Variants in VMAC observed in about 807,000 individuals in gnomAD.
VMAC encodes vimentin type intermediate filament associated coiled-coil protein.
In VMAC, 8 loss-of-function variants were observed where a neutral mutation model predicts 4.8. That is an observed-to-expected ratio of 1.68 (90% CI 0.99 to 3.03). The LOEUF (loss-of-function observed/expected upper bound fraction) is 3.03. Among genes scored for constraint, VMAC ranks in the 30% most tolerant of loss-of-function variants. The pLI is 0.00. For missense variants in VMAC, 248 were observed against 245.1 expected (o/e 1.01, Z -0.08); for synonymous variants, 96 against 113.7 (o/e 0.84, Z 0.99).
At position 5,909,314 on chromosome 19, in the gene VMAC, C is replaced by T. The variant is rs928837163; in HGVS notation, c.*172C>T. 11 of 629,348 alleles carry T rather than the reference C, an allele frequency of 1.7e-5. No homozygotes were observed. The highest frequency in any genetic ancestry group is 1.2e-4 in the South Asian group (5 of 42,612). The allele number at this position is 629,348 out of a possible 1,614,324, so 39.0% of individuals were successfully genotyped here. A position where few individuals can be genotyped will look rare whatever the true frequency, so the allele number is the denominator to read the frequency against. On this transcript the variant is annotated 3_prime_UTR_variant, in exon 2 of 2. Transcript: ENST00000339485. ...AATAGGCCCACAGGCCAGGTGCAGA[C>T]GTTTAACCCAGACAGAAGTGTTCTT...
Position 5,909,463 on chromosome 19 carries a change from G to T in VMAC, c.*321G>T. ...GAGTTCAGGGCACCCTCTTTAGCCA[G>T]GGTGTGAGTTTCTGTTTTTTGTTTT... is the stretch of plus-strand genomic sequence containing the variant. On this transcript the variant is annotated 3_prime_UTR_variant, in exon 2 of 2. Coordinates refer to ENST00000339485, the MANE Select transcript of VMAC (RefSeq NM_001017921.4). 6.8e-6 allele frequency: 2 copies of T among 294,912 alleles called. No individual in the cohort carries two copies. Among genetic ancestry groups the T allele is most frequent in the South Asian group, 6.4e-5 (1 of 15,506 alleles). The allele number at this position is 294,912 out of a possible 1,614,324, so 18.3% of individuals were successfully genotyped here.
Position 5,908,964 on chromosome 19 carries a change from G to A in VMAC, c.332G>A (p.Arg111Gln), listed in dbSNP as rs757845287. Residue 111 changes from arginine (R) to glutamine (Q), a missense_variant, in exon 2 of 2, where the codon CGG becomes CAG. Coordinates refer to ENST00000339485, the MANE Select transcript of VMAC (RefSeq NM_001017921.4). The surrounding 1 kb of genome is among the most constrained non-coding windows in gnomAD (Gnocchi z 4.5). Reference protein sequence around the residue: ...AELLQDICRRRPPLAGLLDAL... With the variant: ...AELLQDICRRQPPLAGLLDAL... ...CTGCTGCAGGACATCTGCCGCCGCC[G>A]GCCACCCCTGGCTGGGCTGCTGGAT... The A allele has an allele frequency of 9.9e-6, 16 of 1,612,416 alleles. No homozygotes were observed. The highest frequency in any genetic ancestry group is 2.2e-5 in the East Asian group (1 of 44,834).
In VMAC at chr19:5,910,321, T is replaced by C. The variant is rs1028278979; in HGVS notation, c.*1179T>C. The C allele has an allele frequency of 2.6e-5, 4 of 152,010 alleles. No homozygotes were observed. The highest frequency in any genetic ancestry group is 9.7e-5 in the African/African-American group (4 of 41,358). 9.4% of individuals were successfully genotyped at this position (152,010 alleles called of 1,614,324 possible). A position where few individuals can be genotyped will look rare whatever the true frequency, so the allele number is the denominator to read the frequency against. On this transcript the variant is annotated 3_prime_UTR_variant, in exon 2 of 2. Coordinates refer to ENST00000339485, the MANE Select transcript of VMAC (RefSeq NM_001017921.4). Reference sequence around the variant, plus strand: ...GCTGGGCCAGGTAGAATCTAGGGAGTGTAGGCCAAGCACTCTCTACAGCGA... The same window carrying C: ...GCTGGGCCAGGTAGAATCTAGGGAGCGTAGGCCAAGCACTCTCTACAGCGA...
In VMAC at chr19:5,909,037, C is replaced by T. The variant is rs1402279513; in HGVS notation, c.405C>T (p.Pro135=). 13 of 1,574,624 alleles carry T rather than the reference C, an allele frequency of 8.3e-6. No homozygotes were observed. The highest frequency in any genetic ancestry group is 1.7e-4 in the Middle Eastern group (1 of 6,002). The part of the protein sequence containing the change: ...ERLGPLPASD[P]GHPPPGGPGP... ...TGGGGCCCCTGCCGGCCAGTGACCCCGGCCACCCACCCCCCGGTGGGCCTG... is the reference window on the plus strand; with the variant it reads ...TGGGGCCCCTGCCGGCCAGTGACCCTGGCCACCCACCCCCCGGTGGGCCTG... Residue 135 remains proline (P), a synonymous_variant, in exon 2 of 2, where the codon CCC becomes CCT. Coordinates refer to ENST00000339485, the MANE Select transcript of VMAC (RefSeq NM_001017921.4).
intron 1 of VMAC, among the ~76,000 whole-genome samples, chr19:5,906,019 C>T (rs1394702643): frequency 9.2e-5 from 14 of 151,810 alleles, no homozygotes; most frequent in Admixed American, 9.2e-4. Flanking sequence ...GGGTCTTGCT[C>T]TGTTGCCCAG....
Position 5,908,700 on chromosome 19 carries a change from G to A in VMAC, c.192-124G>A. ...GTTCATAACCAGGGAGGACCCTGAGGCAGTGGTGAGGAATGCGGGCTTTAT... is the reference window on the plus strand; with the variant it reads ...GTTCATAACCAGGGAGGACCCTGAGACAGTGGTGAGGAATGCGGGCTTTAT... On this transcript the variant is annotated intron_variant, in intron 1 of 1. Transcript: ENST00000339485. The surrounding 1 kb of genome is among the most constrained non-coding windows in gnomAD (Gnocchi z 4.5). 2 of 762,030 alleles carry A rather than the reference G, an allele frequency of 2.6e-6. No individual in the cohort carries two copies. Among genetic ancestry groups the A allele is most frequent in the Middle Eastern group, 2.3e-4 (1 of 4,282 alleles). 47.2% of individuals were successfully genotyped at this position (762,030 alleles called of 1,614,324 possible). A position where few individuals can be genotyped will look rare whatever the true frequency, so the allele number is the denominator to read the frequency against.
In VMAC at chr19:5,910,711, C is replaced by CAAA. The variant is rs971116765; in HGVS notation, c.*1570_*1572dup. ...ACAACAACAACAACAACAACAACAA[C>CAAA]AAACAGAGGCCCAGAGGTGTGAAGG... On this transcript the variant is annotated 3_prime_UTR_variant, in exon 2 of 2. Coordinates refer to ENST00000339485, the MANE Select transcript of VMAC (RefSeq NM_001017921.4). 7 of 142,602 alleles carry CAAA rather than the reference C, an allele frequency of 4.9e-5. No individual in the cohort carries two copies. In the South Asian group the frequency reaches 6.6e-4, roughly 13 times the overall value. The allele number at this position is 142,602 out of a possible 1,614,324, so 8.8% of individuals were successfully genotyped here.
Position 5,910,179 on chromosome 19 carries a change from T to C in VMAC, c.*1037T>C, listed in dbSNP as rs73539613. On this transcript the variant is annotated 3_prime_UTR_variant, in exon 2 of 2. Coordinates refer to ENST00000339485, the MANE Select transcript of VMAC (RefSeq NM_001017921.4). ...TGGATGAACAAGGAGGGGGGTTGTTTGTACAAAGGAAAGGCAGGCTGGGGC... is the reference window on the plus strand; with the variant it reads ...TGGATGAACAAGGAGGGGGGTTGTTCGTACAAAGGAAAGGCAGGCTGGGGC... 18,228 of 152,224 alleles carry C rather than the reference T, an allele frequency of 0.12. 1,135 individuals carry two copies. Among genetic ancestry groups the C allele is most frequent in the Middle Eastern group, 0.19 (57 of 296 alleles). The allele number at this position is 152,224 out of a possible 1,614,324, so 9.4% of individuals were successfully genotyped here. A position where few individuals can be genotyped will look rare whatever the true frequency, so the allele number is the denominator to read the frequency against.
Position 5,910,362 on chromosome 19 carries a change from G to A in VMAC, c.*1220G>A, listed in dbSNP as rs1048672928. On this transcript the variant is annotated 3_prime_UTR_variant, in exon 2 of 2. Transcript: ENST00000339485. The stretch of plus-strand genomic sequence containing the variant: ...TCTACAGCGATTGCATCTAATCTTC[G>A]AGTTTCCCTGTAGACACAGGCTTTG... 6.6e-6 allele frequency: 1 copy of A among 152,158 alleles called. No individual in the cohort carries two copies. 9.4% of individuals were successfully genotyped at this position (152,158 alleles called of 1,614,324 possible).
rs1311619025 is a variant in VMAC at position 5,908,398 on chromosome 19, C to T, written c.192-426C>T. 6.6e-6 allele frequency among the ~76,000 whole-genome samples: 1 copy of T among 151,602 alleles called. No individual in the cohort carries two copies. Among genetic ancestry groups the T allele is most frequent in the Admixed American group, 6.6e-5 (1 of 15,196 alleles). On this transcript the variant is annotated intron_variant, in intron 1 of 1. Coordinates refer to ENST00000339485, the MANE Select transcript of VMAC (RefSeq NM_001017921.4). The surrounding 1 kb of genome is among the most constrained non-coding windows in gnomAD (Gnocchi z 4.5). ...TTGAGAGGCCATGGCGGGTGGATCA[C>T]GTGGTCAGGAGTTCGAGACCAGCCT...
In VMAC at chr19:5,910,755, G is replaced by A. The variant is rs2057695071; in HGVS notation, c.*1613G>A. ...GTGAAGGGAACACACTCCGGGTCTG[G>A]AGGGCCAGGGCCACTTCCAATTCTG... On this transcript the variant is annotated 3_prime_UTR_variant, in exon 2 of 2. Coordinates refer to ENST00000339485, the MANE Select transcript of VMAC (RefSeq NM_001017921.4). 3 of 151,286 alleles carry A rather than the reference G, an allele frequency of 2.0e-5. No individual in the cohort carries two copies. The highest frequency in any genetic ancestry group is 3.0e-5 in the Non-Finnish European group (2 of 67,756). 9.4% of individuals were successfully genotyped at this position (151,286 alleles called of 1,614,324 possible).
chr19:5,909,195 C>T lies in VMAC; in HGVS notation c.*53C>T, dbSNP rs1040777292. 1.3e-6 allele frequency: 2 copies of T among 1,511,570 alleles called. No homozygotes were observed. Among genetic ancestry groups the T allele is most frequent in the African/African-American group, 2.8e-5 (2 of 71,438 alleles). The allele number at this position is 1,511,570 out of a possible 1,614,324, so 93.6% of individuals were successfully genotyped here. A position where few individuals can be genotyped will look rare whatever the true frequency, so the allele number is the denominator to read the frequency against. On this transcript the variant is annotated 3_prime_UTR_variant, in exon 2 of 2. Coordinates refer to ENST00000339485, the MANE Select transcript of VMAC (RefSeq NM_001017921.4). ...ACAGAAAGCCACTGCTGTCAGTGTC[C>T]TTGGGAGTCACCAGCACCCTGCAGG...
Position 5,908,126 on chromosome 19 carries a change from T to G in VMAC, c.192-698T>G, listed in dbSNP as rs960379012. ...TGGGAGGCCAAGGCGGGTGGATCAC[T>G]TGAGGTCAGGAGTTTAAGACCAGTC... On this transcript the variant is annotated intron_variant, in intron 1 of 1. Coordinates refer to ENST00000339485, the MANE Select transcript of VMAC (RefSeq NM_001017921.4). This position sits in a 1 kb window ranked among gnomAD's most constrained non-coding sequence, Gnocchi z 4.5. Among the ~76,000 whole-genome samples the G allele has an allele frequency of 6.6e-6, 1 of 151,064 alleles. No homozygotes were observed. Among genetic ancestry groups the G allele is most frequent in the Non-Finnish European group, 1.5e-5 (1 of 67,706 alleles).
rs1301408042 is a variant in VMAC, at chr19:5,910,093, C to CGCCT, written c.*961_*964dup. On this transcript the variant is annotated 3_prime_UTR_variant, in exon 2 of 2. Coordinates refer to ENST00000339485, the MANE Select transcript of VMAC (RefSeq NM_001017921.4). ...CACCCACGGCCTTCAGGATGGCGCCCGCCTGCCTGCCTGGCAACAGTGACC... is the reference window on the plus strand; with the variant it reads ...CACCCACGGCCTTCAGGATGGCGCCCGCCTGCCTGCCTGCCTGGCAACAGTGACC... 2 of 152,228 alleles carry CGCCT rather than the reference C, an allele frequency of 1.3e-5. No individual in the cohort carries two copies. Among genetic ancestry groups the CGCCT allele is most frequent in the Non-Finnish European group, 2.9e-5 (2 of 68,078 alleles). The allele number at this position is 152,228 out of a possible 1,614,324, so 9.4% of individuals were successfully genotyped here.
At position 5,905,050 on chromosome 19, in the gene VMAC, G is replaced by A; in HGVS notation, c.160G>A (p.Ala54Thr). 1 of 1,371,828 alleles carries A rather than the reference G, an allele frequency of 7.3e-7. No individual in the cohort carries two copies. The highest frequency in any genetic ancestry group is 1.7e-5 in the South Asian group (1 of 58,560). 85.0% of individuals were successfully genotyped at this position (1,371,828 alleles called of 1,614,324 possible). A position where few individuals can be genotyped will look rare whatever the true frequency, so the allele number is the denominator to read the frequency against. Reference sequence around the variant, plus strand: ...CCTCCACGACCAGCAGCTGCGCGCCGCCCTAGACGAACTGGGTCGCGCCAA... The same window carrying A: ...CCTCCACGACCAGCAGCTGCGCGCCACCCTAGACGAACTGGGTCGCGCCAA... ...LALHDQQLRA[A>T]LDELGRAKDR... is the part of the protein sequence containing the mutation. The change falls in exon 1 of 2, where the codon GCC (alanine) becomes ACC (threonine). Residue 54 changes from alanine to threonine, a missense_variant. By Grantham distance (58) the Ala-to-Thr change is moderately conservative. Coordinates refer to ENST00000339485, the MANE Select transcript of VMAC (RefSeq NM_001017921.4).
rs1466845641 is a variant in VMAC at position 5,908,212 on chromosome 19, C to T, written c.192-612C>T. Among the ~76,000 whole-genome samples the T allele has an allele frequency of 6.6e-6, 1 of 152,016 alleles. No individual in the cohort carries two copies. Among genetic ancestry groups the T allele is most frequent in the Non-Finnish European group, 1.5e-5 (1 of 68,032 alleles). On this transcript the variant is annotated intron_variant, in intron 1 of 1. Transcript: ENST00000339485. The surrounding 1 kb of genome is among the most constrained non-coding windows in gnomAD (Gnocchi z 4.5). ...TACAAAAATCAGTCAGGCATGGTGG[C>T]GCATGCCTGTAAACCCAGCTACTCG...
At chr19:5,906,065 G>T (rs1271965829) in intron 1 of VMAC, among the ~76,000 whole-genome samples, 1 of 151,924 alleles carries the variant, frequency 6.6e-6, no homozygotes, top group Non-Finnish European at 1.5e-5. Context: ...ACTCACTGCA[G>T]TCTCACCCTC....
chr19:5,909,431 T>G lies in VMAC; in HGVS notation c.*289T>G. On this transcript the variant is annotated 3_prime_UTR_variant, in exon 2 of 2. Transcript: ENST00000339485. ...GATTTCTGGCAAGACTTGGCCAAGC[T>G]TGCCTGGAGTTCAGGGCACCCTCTT... 8.0e-6 allele frequency: 3 copies of G among 374,056 alleles called. No homozygotes were observed. The highest frequency in any genetic ancestry group is 9.6e-6 in the Non-Finnish European group (2 of 209,100). 23.2% of individuals were successfully genotyped at this position (374,056 alleles called of 1,614,324 possible).
intron 1 of VMAC, among the ~76,000 whole-genome samples, chr19:5,905,593 G>A (rs528895309): frequency 2.6e-5 from 4 of 151,770 alleles, no homozygotes; most frequent in African/African-American, 9.7e-5. Flanking sequence ...TCGATTTTTT[G>A]TATTTCTAGT....
Sources: allele counts gnomAD v4.1 joint callset (sites outside exome capture counted in the v4.1 genomes callset), GRCh38; gene constraint gnomAD v4.1.1; non-coding constraint Gnocchi (gnomAD v3.1); transcripts MANE v1.5; gene names NCBI Gene and HGNC (gene_info 2026-07-23, HGNC 2026-07-21).